TTC23L: variants seen among roughly 807,000 people sequenced by gnomAD.
The protein encoded by TTC23L is tetratricopeptide repeat domain 23 like.
In TTC23L, 42 loss-of-function variants were observed where a neutral mutation model predicts 48.1. The ratio of observed to expected loss-of-function variants is 0.87; its 90% CI spans 0.68 to 1.13. TTC23L has a LOEUF of 1.13. Among genes scored for constraint, TTC23L ranks in the 50% most tolerant of loss-of-function variants. TTC23L has a pLI of 0.00. For missense variants in TTC23L, 391 were observed against 421.0 expected (o/e 0.93, Z 0.62); for synonymous variants, 159 against 157.2 (o/e 1.01, Z -0.09).
rs1362010219 is a variant in TTC23L at position 34,880,318 on chromosome 5, A to G, written c.1077+10A>G. 2 of 1,603,632 alleles carry G rather than the reference A, an allele frequency of 1.2e-6. No homozygotes were observed. Among genetic ancestry groups the G allele is most frequent in the East Asian group, 2.2e-5 (1 of 44,798 alleles). On this transcript the variant is annotated intron_variant, in intron 9 of 10. Coordinates refer to ENST00000505624, the Ensembl canonical transcript of TTC23L. ...AAATGGAGAAAAACAGGTAAATATG[A>G]TCAATGCATAAACAGAATTGCTAGT...
intron 1 of TTC23L, chr5:34,839,793 G>A (rs1580404924): frequency 3.3e-6 from 1 of 306,018 alleles, no homozygotes; most frequent in Non-Finnish European, 4.8e-6. Context: ...AGCCTTCCTT[G>A]AGAGTTGAAT....
rs1760784744 is a variant in TTC23L at position 34,862,892 on chromosome 5, C to G, written c.380-6C>G. Reference sequence around the variant, plus strand: ...CTTCTTGCTCCTCACCCTCTAACTCCCCCAGGCCTCCCAGTTCAGGCCAAG... The same window carrying G: ...CTTCTTGCTCCTCACCCTCTAACTCGCCCAGGCCTCCCAGTTCAGGCCAAG... On this transcript the variant is annotated splice_region_variant and splice_polypyrimidine_tract_variant and intron_variant, in intron 4 of 10. Coordinates refer to ENST00000505624, the Ensembl canonical transcript of TTC23L. 2 of 1,613,794 alleles carry G rather than the reference C, an allele frequency of 1.2e-6. No homozygotes were observed. Among genetic ancestry groups the G allele is most frequent in the East Asian group, 4.5e-5 (2 of 44,878 alleles).
intron 7 of TTC23L, 60 bp from the exon 8 acceptor site, chr5:34,868,845 T>A (rs1350394299): frequency 4.8e-6 from 7 of 1,461,538 alleles, no homozygotes; most frequent in Non-Finnish European, 6.6e-6. Context: ...ACCTCTCATC[T>A]AAATCCACAG....
At chr5:34,881,006 G>A (rs1440479505) in intron 9 of TTC23L, among the ~76,000 whole-genome samples, 4 of 151,996 alleles carry the variant, frequency 2.6e-5, no homozygotes, top group African/African-American at 7.3e-5. Flanking sequence ...TTCCCTTTCT[G>A]TAAAATGTTA....
chr5:34,875,495 A>G (rs917416398), intron 8 of TTC23L, among the ~76,000 whole-genome samples: 19 of 152,248 alleles, frequency 1.2e-4, no homozygotes, highest in South Asian at 2.1e-4. Context: ...AGGCTAAGCC[A>G]GTCTAATCTT....
At chr5:34,894,960 G>A (rs534208946) in intron 9 of TTC23L, among the ~76,000 whole-genome samples, 2 of 152,150 alleles carry the variant, frequency 1.3e-5, no homozygotes, top group South Asian at 4.1e-4. Flanking sequence ...GATGGAAAGG[G>A]AAGGATGACT....
chr5:34,853,255 G>T (rs777871594), intron 4 of TTC23L, among the ~76,000 whole-genome samples: 69 of 152,176 alleles, frequency 4.5e-4, no homozygotes, highest in Admixed American at 9.8e-4. Flanking sequence ...TAGTGGCTGG[G>T]TGTGGTGACT....
chr5:34,868,714 A>G (rs1003134332), intron 7 of TTC23L, 191 bp from the exon 8 acceptor site: 1 of 542,252 alleles, frequency 1.8e-6, no homozygotes, highest in East Asian at 3.3e-5. Flanking sequence ...TGCATATACC[A>G]TCTCACTTAA....
chr5:34,925,527 CTTTATA>C, the TTC23L span: 105 of 1,574,248 alleles, frequency 6.7e-5, no homozygotes, highest in Non-Finnish European at 7.9e-5. Flanking sequence ...TTTTCAGTTA[CTTTATA>C]TTTATTTTGT....
chr5:34,896,861 G>C (rs996777872), exon 10 of TTC23L: 9 of 723,618 alleles, frequency 1.2e-5, no homozygotes, highest in Non-Finnish European at 2.3e-5. Flanking sequence ...ACAGAGGGCA[G>C]TGTATGGAGG....
At chr5:34,909,283 G>A in the TTC23L span, 1 of 1,610,594 alleles carries the variant, frequency 6.2e-7, no homozygotes, top group Non-Finnish European at 8.5e-7. Flanking sequence ...TGATTACAAT[G>A]AAATGCTTCC....
intron 3 of TTC23L, among the ~76,000 whole-genome samples, chr5:34,848,308 T>G (rs936381677): frequency 6.6e-6 from 1 of 152,202 alleles, no homozygotes; most frequent in Non-Finnish European, 1.5e-5. Context: ...CTTAGAGAGC[T>G]CTACCTGTCA....
the TTC23L span, chr5:34,909,073 T>C: frequency 1.0e-5 from 11 of 1,062,684 alleles, no homozygotes; most frequent in South Asian, 1.4e-4. Context: ...TTGCTAATAT[T>C]TTCTGTTTTA....
rs182918629 is a variant in TTC23L, at chr5:34,862,060, G to T, written c.380-838G>T. On this transcript the variant is annotated intron_variant, in intron 4 of 10. Transcript: ENST00000505624. ...TTAGATAACCTGCTTCTGGGTTAGG[G>T]TTTTGTATGTAGCAGAGCAGCTCCC... Among the ~76,000 whole-genome samples the T allele has an allele frequency of 9.1e-4, 138 of 152,244 alleles. 1 individual carries two copies. The highest frequency in any genetic ancestry group is 3.1e-3 in the African/African-American group (130 of 41,528).
At chr5:34,865,836 C>T (rs1761011324) in intron 6 of TTC23L, among the ~76,000 whole-genome samples, 1 of 152,196 alleles carries the variant, frequency 6.6e-6, no homozygotes, top group Admixed American at 6.5e-5. Context: ...CAAGACACCA[C>T]CACACCTGGC....
At chr5:34,874,730 A>T (rs530648547) in intron 8 of TTC23L, among the ~76,000 whole-genome samples, 25 of 152,188 alleles carry the variant, frequency 1.6e-4, no homozygotes, top group South Asian at 1.2e-3. Flanking sequence ...CTCTAAAAAA[A>T]AAATAAATAA....
At chr5:34,905,353 A>AG in the TTC23L span, 1 of 152,244 alleles carries the variant, frequency 6.6e-6, no homozygotes, top group Non-Finnish European at 1.5e-5. Flanking sequence ...TATGTTCTGA[A>AG]GGACTGCCTA....
intron 9 of TTC23L, among the ~76,000 whole-genome samples, chr5:34,891,122 T>A (rs1235266639): frequency 6.6e-6 from 1 of 152,234 alleles, no homozygotes; most frequent in Non-Finnish European, 1.5e-5. Flanking sequence ...GAGATCTTAA[T>A]AACAAAATAG....
chr5:34,924,520 C>A, the TTC23L span, among the ~76,000 whole-genome samples: 1 of 152,162 alleles, frequency 6.6e-6, no homozygotes, highest in Non-Finnish European at 1.5e-5. Flanking sequence ...TGCTTTAATA[C>A]ATTTTGTTAA....
Sources: allele counts gnomAD v4.1 joint callset (sites outside exome capture counted in the v4.1 genomes callset), GRCh38; gene constraint gnomAD v4.1.1; transcripts MANE v1.5; gene names NCBI Gene and HGNC (gene_info 2026-07-23, HGNC 2026-07-21).